DDHD1: variants seen among roughly 807,000 people sequenced by gnomAD.
The protein encoded by DDHD1 is phospholipase DDHD1.
Under a neutral mutation model 96.4 loss-of-function variants are expected in DDHD1, and 49 were observed. The ratio of observed to expected loss-of-function variants is 0.51; its 90% CI spans 0.40 to 0.64. The LOEUF is 0.64. DDHD1 is among the 30% of genes least tolerant of loss of function. The pLI is 0.00. For missense variants in DDHD1, 1,106 were observed against 1,161.2 expected (o/e 0.95, Z 0.69); for synonymous variants, 442 against 446.5 (o/e 0.99, Z 0.13).
chr14:53,136,610 G>A (rs544014704), intron 1 of DDHD1, among the ~76,000 whole-genome samples: 81 of 152,164 alleles, frequency 5.3e-4, no homozygotes, highest in African/African-American at 1.8e-3. Flanking sequence ...GGAGCAGGTG[G>A]AACAATCTCC....
intron 4 of DDHD1, among the ~76,000 whole-genome samples, chr14:53,080,538 CTTAAT>C (rs1263631047): frequency 6.6e-6 from 1 of 151,910 alleles, no homozygotes; most frequent in Non-Finnish European, 1.5e-5. Context: ...TTCAGTTCAA[CTTAAT>C]TTTTCTTTGC....
chr14:53,141,220 C>CAAAAGAGATT (rs1890619056), intron 1 of DDHD1, among the ~76,000 whole-genome samples: 1 of 152,064 alleles, frequency 6.6e-6, no homozygotes, highest in Admixed American at 6.5e-5. Flanking sequence ...GTAGAAAGAA[C>CAAAAGAGATT]AAAAGAGATT....
chr14:53,136,729 A>G (rs542658752), intron 1 of DDHD1, among the ~76,000 whole-genome samples: 1 of 152,342 alleles, frequency 6.6e-6, no homozygotes, highest in East Asian at 1.9e-4. Context: ...ATGCCTCAGT[A>G]GTGGAGATAA....
Position 53,075,504 on chromosome 14 carries a change from G to C in DDHD1, c.1290-1657C>G, listed in dbSNP as rs184595781. 2.4e-4 allele frequency among the ~76,000 whole-genome samples: 37 copies of C among 152,294 alleles called. No homozygotes were observed. In the East Asian group the frequency reaches 6.7e-3, roughly 28 times the overall value. On this transcript the variant is annotated intron_variant, in intron 4 of 12. Transcript: ENST00000673822. ...AGAAAAGTTTGAAGCTAGCAGGTTG[G>C]TGCATGAGGTTTAAGGAAAGAAGCT...
chr14:53,110,917 A>G (rs1888051911), intron 1 of DDHD1, among the ~76,000 whole-genome samples: 1 of 152,338 alleles, frequency 6.6e-6, no homozygotes, highest in African/African-American at 2.4e-5. Flanking sequence ...CGGAGGCTGC[A>G]GTGAGCTGAG....
Position 53,038,256 on chromosome 14 carries a change from T to C in DDHD1, c.*8512A>G, listed in dbSNP as rs1347012386. ...CTAGCTCTCTTCGCTGATATGATTTTATACCTAGAAAACCCCGAAGACTCT... is the reference window on the plus strand; with the variant it reads ...CTAGCTCTCTTCGCTGATATGATTTCATACCTAGAAAACCCCGAAGACTCT... On this transcript the variant is annotated 3_prime_UTR_variant, in exon 13 of 13. Transcript: ENST00000673822. 6.6e-6 allele frequency: 1 copy of C among 152,156 alleles called. No homozygotes were observed. Among genetic ancestry groups the C allele is most frequent in the Non-Finnish European group, 1.5e-5 (1 of 68,014 alleles). The allele number at this position is 152,156 out of a possible 1,614,324, so 9.4% of individuals were successfully genotyped here.
intron 11 of DDHD1, 95 bp downstream of exon 11, chr14:53,054,329 CTTTAGATCTTAGAG>C: frequency 1.1e-6 from 1 of 942,238 alleles, no homozygotes; most frequent in South Asian, 2.5e-5. Flanking sequence ...TTAAGGCACA[CTTTAGATCTTAGAG>C]TTGACTAGCT....
At chr14:53,102,574 T>C (rs1158951716) in intron 2 of DDHD1, among the ~76,000 whole-genome samples, 1 of 152,050 alleles carries the variant, frequency 6.6e-6, no homozygotes, top group Non-Finnish European at 1.5e-5. Flanking sequence ...TTTAATCAAC[T>C]AGATGCAAAT....
intron 11 of DDHD1, chr14:53,052,457 T>C (rs1882680590): frequency 6.6e-6 from 1 of 151,724 alleles, no homozygotes; most frequent in Admixed American, 6.5e-5. Flanking sequence ...TTAATGTAAG[T>C]AGAAGGAAGA....
At chr14:53,129,413 G>A (rs939582326) in intron 1 of DDHD1, among the ~76,000 whole-genome samples, 1 of 152,038 alleles carries the variant, frequency 6.6e-6, no homozygotes, top group Non-Finnish European at 1.5e-5. Flanking sequence ...TCCCTTTCTG[G>A]TAGAGACAGA....
chr14:53,145,184 T>C (rs1389056446), intron 1 of DDHD1, among the ~76,000 whole-genome samples: 1 of 151,914 alleles, frequency 6.6e-6, no homozygotes, highest in African/African-American at 2.4e-5. Flanking sequence ...GAGCATTCCA[T>C]GGCACGTGTT....
Position 53,125,702 on chromosome 14 carries a change from A to ATT in DDHD1, c.839-21848_839-21847dup, listed in dbSNP as rs1195927962. The stretch of plus-strand genomic sequence containing the variant: ...CCTGAGGAATTAAATTAAAAGATGG[A>ATT]TTTTTTTTTTTTTTTTTGAGATGGA... On this transcript the variant is annotated intron_variant, in intron 1 of 12. Coordinates refer to ENST00000673822, the MANE Select transcript of DDHD1 (RefSeq NM_001160148.2). 2.3e-3 allele frequency among the ~76,000 whole-genome samples: 327 copies of ATT among 139,896 alleles called. 3 individuals are homozygous for ATT. Among genetic ancestry groups the ATT allele is most frequent in the African/African-American group, 8.2e-3 (311 of 37,854 alleles). 91.8% of individuals were successfully genotyped at this position (139,896 alleles called of 152,430 possible).
Position 53,134,969 on chromosome 14 carries a change from C to T in DDHD1, c.838+17292G>A, listed in dbSNP as rs189897146. 5.3e-3 allele frequency among the ~76,000 whole-genome samples: 803 copies of T among 152,272 alleles called. 2 individuals carry two copies. The highest frequency in any genetic ancestry group is 8.2e-3 in the Non-Finnish European group (559 of 68,024). ...AAGCTTTCTTCAGTTTAATCTCTCC[C>T]ACTATAGGTTCCCACGCTGCCCCTA... On this transcript the variant is annotated intron_variant, in intron 1 of 12. Transcript: ENST00000673822.
chr14:53,123,928 G>C (rs941086228), intron 1 of DDHD1, among the ~76,000 whole-genome samples: 6 of 152,024 alleles, frequency 3.9e-5, no homozygotes, highest in Admixed American at 1.3e-4. Flanking sequence ...TACTCAGATG[G>C]GTGATAAAAA....
At chr14:53,086,279 T>A (rs1885941916) in intron 4 of DDHD1, among the ~76,000 whole-genome samples, 1 of 151,958 alleles carries the variant, frequency 6.6e-6, no homozygotes, top group Non-Finnish European at 1.5e-5. Context: ...AGGCCAACAT[T>A]CAAATTCAGG....
Position 53,040,848 on chromosome 14 carries a change from A to C in DDHD1, c.*5920T>G, listed in dbSNP as rs1407877636. ...TTAGAGAGAGTGAACATAAGAAGTC[A>C]TAGGAGCTGAAAGAAAGGAAACAAG... On this transcript the variant is annotated 3_prime_UTR_variant, in exon 13 of 13. Coordinates refer to ENST00000673822, the MANE Select transcript of DDHD1 (RefSeq NM_001160148.2). 1 of 152,164 alleles carries C rather than the reference A, an allele frequency of 6.6e-6. No homozygotes were observed. Among genetic ancestry groups the C allele is most frequent in the Non-Finnish European group, 1.5e-5 (1 of 68,032 alleles). 9.4% of individuals were successfully genotyped at this position (152,164 alleles called of 1,614,324 possible).
At chr14:53,145,691 G>A (rs1273507642) in intron 1 of DDHD1, among the ~76,000 whole-genome samples, 1 of 151,918 alleles carries the variant, frequency 6.6e-6, no homozygotes, top group Non-Finnish European at 1.5e-5. Flanking sequence ...GCACATAAAA[G>A]CTTAACTCTC....
intron 6 of DDHD1, among the ~76,000 whole-genome samples, chr14:53,066,656 T>C (rs1884044295): frequency 6.6e-6 from 1 of 152,118 alleles, no homozygotes; most frequent in Non-Finnish European, 1.5e-5. Context: ...ATTTACAGAA[T>C]CAACTTTTCT....
At chr14:53,103,472 C>A in intron 2 of DDHD1, 1 of 457,834 alleles carries the variant, frequency 2.2e-6, no homozygotes, top group Non-Finnish European at 3.8e-6. Flanking sequence ...AATATCATGA[C>A]ACTTACCATA....
Sources: gnomAD v4.1 joint callset for allele counts (sites outside exome capture counted in the v4.1 genomes callset) on GRCh38, gnomAD v4.1.1 for gene constraint, MANE v1.5 for transcripts, NCBI Gene and HGNC (gene_info 2026-07-23, HGNC 2026-07-21) for gene names.